Variants in MPHOSPH6 observed in about 807,000 individuals in gnomAD.
The protein encoded by MPHOSPH6 is M-phase phosphoprotein 6.
In MPHOSPH6, 25 loss-of-function variants were observed where a neutral mutation model predicts 21.8. That is an observed-to-expected ratio of 1.15 (90% confidence interval 0.83 to 1.60). The LOEUF (loss-of-function observed/expected upper bound fraction) is 1.60, where lower values mean the gene tolerates loss of function less well. Ranked by LOEUF, MPHOSPH6 falls within the 40% of genes most tolerant of loss-of-function variation. The pLI is 0.00. For missense variants in MPHOSPH6, 269 were observed against 181.8 expected, an observed-to-expected ratio of 1.48 and a Z score of -2.76; for synonymous variants, 84 against 56.5, an observed-to-expected ratio of 1.49 and a Z score of -2.18.
At chr16:82,153,648 G>C (rs1452063400) in intron 2 of MPHOSPH6, among the ~76,000 whole-genome samples, 2 of 152,222 alleles carry the variant, frequency 1.3e-5, no homozygotes, top group Non-Finnish European at 2.9e-5. Flanking sequence ...CCTGCATACT[G>C]GGTTCCCTTG....
intron 1 of MPHOSPH6, among the ~76,000 whole-genome samples, chr16:82,168,192 G>C (rs987033671): frequency 6.6e-6 from 1 of 152,096 alleles, no homozygotes; most frequent in Non-Finnish European, 1.5e-5. Flanking sequence ...GAGTCACCCA[G>C]TACATCATCT....
At chr16:82,151,605 G>T in intron 2 of MPHOSPH6, 91 bp from the exon 3 acceptor site, 1 of 1,405,248 alleles carries the variant, frequency 7.1e-7, no homozygotes. Flanking sequence ...ATCAACCTAT[G>T]GTTCTCAGTA....
chr16:82,152,171 A>T (rs1906285240), intron 2 of MPHOSPH6, among the ~76,000 whole-genome samples: 1 of 152,216 alleles, frequency 6.6e-6, no homozygotes, highest in South Asian at 2.1e-4. Context: ...ATTCTTGAAC[A>T]CAGGTCTGAG....
In MPHOSPH6 at chr16:82,151,249, A is replaced by C. The variant is rs1312584322; in HGVS notation, c.255+175T>G. ...AATTATCTACTCACCTCTACCATAA[A>C]ACTAGACTGCAATGCCTCCAATTTC... is the stretch of plus-strand genomic sequence containing the variant. On this transcript the variant is annotated intron_variant, in intron 3 of 4. Transcript: ENST00000258169. The C allele has an allele frequency of 4.7e-6, 4 of 853,722 alleles. No individual in the cohort carries two copies. The African/African-American group carries it at 6.9e-5, about 15-fold the overall frequency. 52.9% of individuals were successfully genotyped at this position (853,722 alleles called of 1,614,324 possible).
intron 2 of MPHOSPH6, among the ~76,000 whole-genome samples, chr16:82,157,390 C>A (rs986874284): frequency 5.3e-5 from 8 of 152,224 alleles, no homozygotes; most frequent in African/African-American, 1.9e-4. Flanking sequence ...CAGTTAAGCA[C>A]ATATTGCACA....
At chr16:82,168,660 T>C (rs1462466303) in intron 1 of MPHOSPH6, among the ~76,000 whole-genome samples, 2 of 152,106 alleles carry the variant, frequency 1.3e-5, no homozygotes, top group East Asian at 1.9e-4. Flanking sequence ...TTTGTAGAGA[T>C]GGGGTTTCAC....
At chr16:82,164,807 C>T (rs1333442814) in intron 1 of MPHOSPH6, 4 of 152,218 alleles carry the variant, frequency 2.6e-5, no homozygotes, top group Admixed American at 1.3e-4. Flanking sequence ...GTCTGCTCTT[C>T]GTTTTTATTT....
intron 2 of MPHOSPH6, among the ~76,000 whole-genome samples, chr16:82,161,413 T>C (rs577172039): frequency 1.6e-4 from 25 of 152,220 alleles, no homozygotes; most frequent in Middle Eastern, 3.4e-3. Flanking sequence ...AGATGTACAA[T>C]AGCCAAAAAT....
chr16:82,162,087 C>T (rs1363582945), intron 2 of MPHOSPH6: 1 of 152,212 alleles, frequency 6.6e-6, no homozygotes, highest in Non-Finnish European at 1.5e-5. Flanking sequence ...AATCACTGTG[C>T]TTTATGCCTG....
intron 4 of MPHOSPH6, among the ~76,000 whole-genome samples, 195 bp from the exon 5 acceptor site, chr16:82,149,058 A>C (rs1257036386): frequency 6.6e-6 from 1 of 152,252 alleles, no homozygotes; most frequent in East Asian, 1.9e-4. Flanking sequence ...TGGTGTTTGC[A>C]TTACCCTAAA....
rs1315209101 is a variant in MPHOSPH6, at chr16:82,151,283, G to A, written c.255+141C>T. 1.6e-5 allele frequency: 19 copies of A among 1,218,852 alleles called. No homozygotes were observed. In the Admixed American group the frequency reaches 4.4e-4, roughly 28 times the overall value. 75.5% of individuals were successfully genotyped at this position (1,218,852 alleles called of 1,614,324 possible). ...GCAATGCCTCCAATTTCTTTAAATA[G>A]CTATGGCGATATTTCAAGACTTGTT... On this transcript the variant is annotated intron_variant, in intron 3 of 4. Coordinates refer to ENST00000258169, the MANE Select transcript of MPHOSPH6 (RefSeq NM_005792.2).
At chr16:82,160,325 C>T (rs1906567953) in intron 2 of MPHOSPH6, among the ~76,000 whole-genome samples, 2 of 152,154 alleles carry the variant, frequency 1.3e-5, no homozygotes, top group African/African-American at 4.8e-5. Context: ...ATAAATTTCG[C>T]AGATGAGAAA....
rs147220490 is a variant in MPHOSPH6 at position 82,167,858 on chromosome 16, T to C, written c.51+2267A>G. On this transcript the variant is annotated intron_variant, in intron 1 of 4. Transcript: ENST00000258169. The stretch of plus-strand genomic sequence containing the variant: ...TGTGCAGCCTGTTCCTTACAGGTCA[T>C]GGACTGGTGCTGGTCCATGGCCTGG... Among the ~76,000 whole-genome samples, 320 of 152,298 alleles carry C rather than the reference T, an allele frequency of 2.1e-3. 2 individuals carry two copies. Among genetic ancestry groups the C allele is most frequent in the African/African-American group, 7.3e-3 (304 of 41,562 alleles).
At chr16:82,152,442 G>C (rs917195225) in intron 2 of MPHOSPH6, among the ~76,000 whole-genome samples, 1 of 152,138 alleles carries the variant, frequency 6.6e-6, no homozygotes, top group Non-Finnish European at 1.5e-5. Context: ...GGAATTTACT[G>C]TAAGAACACT....
At position 82,149,502 on chromosome 16, in the gene MPHOSPH6, T is replaced by C. The variant is rs373698787; in HGVS notation, c.256-99A>G. On this transcript the variant is annotated intron_variant, in intron 3 of 4. Transcript: ENST00000258169. ...AGGCAGAGAAACTGAAGTCAAATAA[T>C]CTAGAGAACTAGTCAAAATTGATAA... is the stretch of plus-strand genomic sequence containing the variant. The C allele has an allele frequency of 8.3e-6, 8 of 965,070 alleles. 1 individual carries two copies. Among genetic ancestry groups the C allele is most frequent in the African/African-American group, 8.0e-5 (5 of 62,548 alleles). 59.8% of individuals were successfully genotyped at this position (965,070 alleles called of 1,614,324 possible). A position where few individuals can be genotyped will look rare whatever the true frequency, so the allele number is the denominator to read the frequency against.
intron 2 of MPHOSPH6, among the ~76,000 whole-genome samples, chr16:82,153,270 G>A (rs1906324908): frequency 6.6e-6 from 1 of 152,206 alleles, no homozygotes; most frequent in African/African-American, 2.4e-5. Context: ...CCTAGCTGTA[G>A]GGGAGTAATT....
chr16:82,160,455 T>G (rs1174061720), intron 2 of MPHOSPH6, among the ~76,000 whole-genome samples: 1 of 152,206 alleles, frequency 6.6e-6, no homozygotes, highest in Non-Finnish European at 1.5e-5. Context: ...AGGCACTAAC[T>G]GCCCGGTTGC....
At chr16:82,166,375 C>T (rs7194734) in intron 1 of MPHOSPH6, among the ~76,000 whole-genome samples, 123,689 of 152,150 alleles carry the variant, frequency 0.81, 50,365 homozygotes, top group East Asian at 0.85. Flanking sequence ...CGACTTAACA[C>T]GTTTCCATTT....
intron 2 of MPHOSPH6, among the ~76,000 whole-genome samples, chr16:82,162,947 A>T (rs1906652306): frequency 7.3e-6 from 1 of 137,700 alleles, no homozygotes; most frequent in African/African-American, 3.1e-5. Flanking sequence ...CTTAAGGCAT[A>T]AAAGTAAATT....
Sources: allele counts gnomAD v4.1 joint callset (sites outside exome capture counted in the v4.1 genomes callset), GRCh38; gene constraint gnomAD v4.1.1; transcripts MANE v1.5; gene names NCBI Gene and HGNC (gene_info 2026-07-23, HGNC 2026-07-21).